The following PPP2R3B variants were observed in gnomAD, a reference collection of about 807,000 sequenced individuals.
PPP2R3B encodes serine/threonine-protein phosphatase 2A regulatory subunit B'' subunit beta.
A neutral mutation model predicts 72.9 loss-of-function variants in PPP2R3B; 68 were observed. That is an observed-to-expected ratio of 0.93 (90% CI 0.77 to 1.14). The LOEUF is 1.14. Among genes scored for constraint, PPP2R3B ranks in the 50% most tolerant of loss-of-function variants. PPP2R3B has a pLI of 0.00. For synonymous variants in PPP2R3B, 466 were observed against 375.8 expected (o/e 1.24, Z -2.78); for missense variants, 1,018 against 842.0 (o/e 1.21, Z -2.59).
At chrX:364,611 GGGA>G (rs2071655521) in intron 1 of PPP2R3B, among the ~76,000 whole-genome samples, 3 of 147,856 alleles carry the variant, frequency 2.0e-5, no homozygotes, top group African/African-American at 7.5e-5. Context: ...CCAGCTACTC[GGGA>G]GGCTGAGGCA....
chrX:346,822 C>T, intron 4 of PPP2R3B, 47 bp from the exon 5 acceptor site: 1 of 1,556,486 alleles, frequency 6.4e-7, no homozygotes, highest in Non-Finnish European at 8.8e-7. Flanking sequence ...GCCGGCCCTC[C>T]CGTGAGGTGT....
chrX:372,346 G>A (rs2071884747), intron 1 of PPP2R3B, among the ~76,000 whole-genome samples: 1 of 152,180 alleles, frequency 6.6e-6, no homozygotes, highest in South Asian at 2.1e-4. Flanking sequence ...AAAGAAGTGG[G>A]TCTTCCTCCC....
chrX:355,872 G>C (rs1288999623), intron 2 of PPP2R3B, among the ~76,000 whole-genome samples: 1 of 152,036 alleles, frequency 6.6e-6, no homozygotes, highest in Admixed American at 6.5e-5. Flanking sequence ...CCGCTCAAGC[G>C]CAAGGATGCA....
intron 1 of PPP2R3B, among the ~76,000 whole-genome samples, chrX:369,851 C>T (rs2071818281): frequency 6.6e-6 from 1 of 152,248 alleles, no homozygotes; most frequent in Non-Finnish European, 1.5e-5. Flanking sequence ...GGAGCCCCCG[C>T]TCTGCAGCGG....
At chrX:335,931 C>G (rs952390173) in intron 12 of PPP2R3B, 5 of 152,040 alleles carry the variant, frequency 3.3e-5, no homozygotes, top group Admixed American at 2.0e-4. Flanking sequence ...GTTGGGGGAC[C>G]GAGGCGGGGA....
intron 1 of PPP2R3B, among the ~76,000 whole-genome samples, chrX:364,061 T>G (rs1244739608): frequency 6.6e-6 from 1 of 152,328 alleles, no homozygotes; most frequent in East Asian, 1.9e-4. Context: ...CCGTGGAGCC[T>G]GAACAGGCTC....
intron 2 of PPP2R3B, among the ~76,000 whole-genome samples, chrX:351,150 C>T (rs926665193): frequency 1.3e-5 from 2 of 152,108 alleles, no homozygotes; most frequent in South Asian, 2.1e-4. Context: ...GGCCGGGCCC[C>T]GCAGGACGCA....
chrX:336,862 C>G (rs1399886268), intron 12 of PPP2R3B: 1 of 138,966 alleles, frequency 7.2e-6, no homozygotes, highest in Non-Finnish European at 1.6e-5. Flanking sequence ...ACACGGACGG[C>G]GCCCATGGAC....
At chrX:349,488 C>T (rs1448088152) in intron 2 of PPP2R3B, among the ~76,000 whole-genome samples, 1 of 152,218 alleles carries the variant, frequency 6.6e-6, no homozygotes, top group Non-Finnish European at 1.5e-5. Flanking sequence ...AGGACAGTGT[C>T]ACCACCAAGG....
chrX:351,324 C>T (rs2071328512), intron 2 of PPP2R3B, among the ~76,000 whole-genome samples: 2 of 152,146 alleles, frequency 1.3e-5, no homozygotes, highest in South Asian at 4.1e-4. Context: ...TTCTGGCTCA[C>T]AGGCCGTGCA....
chrX:368,079 T>C (rs150905538), intron 1 of PPP2R3B, among the ~76,000 whole-genome samples: 3,023 of 152,058 alleles, frequency 0.02, 61 homozygotes, highest in African/African-American at 0.051. Context: ...CTGAGCCCGC[T>C]AGGCAAGGCG....
At position 361,538 on chromosome X, in the gene PPP2R3B, G is replaced by A. The variant is rs780812173; in HGVS notation, c.377C>T (p.Pro126Leu). ...PLPPATSQSI[P>L]TFYFPRGRPQ... Reference sequence around the variant, plus strand: ...GCGTCCTCTGGGGAAGTAGAAGGTCGGAATGCTTTGGCTCGTGGCCGGGGG... The same window carrying A: ...GCGTCCTCTGGGGAAGTAGAAGGTCAGAATGCTTTGGCTCGTGGCCGGGGG... Residue 126 changes from proline (P) to leucine (L), a missense_variant, in exon 2 of 13, where the codon CCG (proline) becomes CTG (leucine). By Grantham distance (98) the Pro-to-Leu change is moderately conservative. Coordinates refer to ENST00000390665, the MANE Select transcript of PPP2R3B (RefSeq NM_013239.5). 30 of 1,613,882 alleles carry A rather than the reference G, an allele frequency of 1.9e-5. No individual in the cohort carries two copies. The highest frequency in any genetic ancestry group is 6.6e-5 in the South Asian group (6 of 91,082).
chrX:386,424 T>C lies in PPP2R3B; in HGVS notation c.268A>G (p.Ser90Gly). The change falls in exon 1 of 13, where the codon AGC becomes GGC. Residue 90 changes from serine to glycine, a missense_variant. By Grantham distance (56) the Ser-to-Gly change is moderately conservative. Coordinates refer to ENST00000390665, the MANE Select transcript of PPP2R3B (RefSeq NM_013239.5). The part of the protein sequence containing the change: ...GPALPLGAAS[S>G]PRNAPHVRGT... Reference sequence around the variant, plus strand: ...CGAACGTGGGGCGCGTTCCTGGGGCTGGAGGCGGCGCCCAGGGGCAGCGCA... The same window carrying C: ...CGAACGTGGGGCGCGTTCCTGGGGCCGGAGGCGGCGCCCAGGGGCAGCGCA... The C allele has an allele frequency of 7.6e-7, 1 of 1,319,004 alleles. No individual in the cohort carries two copies. The highest frequency in any genetic ancestry group is 2.8e-5 in the East Asian group (1 of 35,782). 81.7% of individuals were successfully genotyped at this position (1,319,004 alleles called of 1,614,324 possible).
intron 12 of PPP2R3B, chrX:335,588 G>A (rs1482424577): frequency 1.3e-5 from 2 of 152,192 alleles, no homozygotes; most frequent in African/African-American, 2.4e-5. Context: ...AGTATTTTGA[G>A]CTGCACCAAA....
At chrX:367,984 CAG>C (rs1451382581) in intron 1 of PPP2R3B, among the ~76,000 whole-genome samples, 24 of 152,252 alleles carry the variant, frequency 1.6e-4, no homozygotes, top group Non-Finnish European at 3.1e-4. Flanking sequence ...AGAGGTCAGT[CAG>C]GGGAAGACAG....
intron 2 of PPP2R3B, among the ~76,000 whole-genome samples, chrX:351,841 G>C (rs944285745): frequency 6.6e-6 from 1 of 152,186 alleles, no homozygotes; most frequent in Non-Finnish European, 1.5e-5. Context: ...GGGACCACAG[G>C]TGCGCGCTAT....
At chrX:359,620 C>T (rs2071502144) in intron 2 of PPP2R3B, among the ~76,000 whole-genome samples, 1 of 152,180 alleles carries the variant, frequency 6.6e-6, no homozygotes, top group East Asian at 1.9e-4. Context: ...CTTATCTGGT[C>T]CTTTCATGGC....
chrX:338,738 C>G (rs185364761), intron 11 of PPP2R3B, 28 bp from the exon 12 acceptor site: 2 of 1,611,584 alleles, frequency 1.2e-6, no homozygotes, highest in Admixed American at 1.7e-5. Context: ...GTTACGTACA[C>G]GGCGTGGCGC....
chrX:343,099 G>A (rs1356076061), intron 7 of PPP2R3B, among the ~76,000 whole-genome samples: 3 of 10,618 alleles, frequency 2.8e-4, no homozygotes, highest in Admixed American at 5.5e-4. Flanking sequence ...CTCGCCAACG[G>A]GAGGCGGGAG....
Sources: gnomAD v4.1 joint callset for allele counts (sites outside exome capture counted in the v4.1 genomes callset) on GRCh38, gnomAD v4.1.1 for gene constraint, MANE v1.5 for transcripts, NCBI Gene and HGNC (gene_info 2026-07-23, HGNC 2026-07-21) for gene names.